GSTA2: variants seen among roughly 807,000 people sequenced by gnomAD.
GSTA2 encodes the protein glutathione S-transferase alpha 2, also known as glutathione S-transferase A2.
Under a neutral mutation model 22.4 loss-of-function variants are expected in GSTA2, and 27 were observed. That is an observed-to-expected ratio of 1.21 (90% CI 0.89 to 1.67). GSTA2 has a LOEUF of 1.67. GSTA2 is among the 40% of genes most tolerant of loss of function. The pLI is 0.00. For missense variants in GSTA2, 302 were observed against 260.2 expected (o/e 1.16, Z -1.11); for synonymous variants, 121 against 86.8 (o/e 1.39, Z -2.19).
intron 1 of GSTA2, among the ~76,000 whole-genome samples, chr6:52,759,844 A>G (rs1762924632): frequency 6.6e-6 from 1 of 151,986 alleles, no homozygotes; most frequent in Non-Finnish European, 1.5e-5. Context: ...TCAGCCTCCC[A>G]AAGTGCTGGG....
intron 1 of GSTA2, among the ~76,000 whole-genome samples, chr6:52,761,335 A>G (rs1160325357): frequency 6.6e-6 from 1 of 152,156 alleles, no homozygotes; most frequent in Non-Finnish European, 1.5e-5. Context: ...GTATCTGTTT[A>G]TAATCTCTGT....
chr6:52,755,191 C>A, intron 3 of GSTA2, 116 bp from the exon 4 acceptor site: 2 of 1,361,118 alleles, frequency 1.5e-6, no homozygotes, highest in African/African-American at 3.0e-5. Context: ...AAATTACTGC[C>A]TGGTAAGAGT....
chr6:52,751,733 A>G, intron 5 of GSTA2, 25 bp from the exon 6 acceptor site: 1 of 1,614,086 alleles, frequency 6.2e-7, no homozygotes, highest in Non-Finnish European at 8.5e-7. Context: ...GAATCAGATC[A>G]GGAACACATG....
At chr6:52,761,322 C>T (rs2749008) in intron 1 of GSTA2, among the ~76,000 whole-genome samples, 113,718 of 152,008 alleles carry the variant, frequency 0.75, 43,892 homozygotes, top group African/African-American at 0.94. Flanking sequence ...AATCTATGTA[C>T]ATGTATCTGT....
chr6:52,759,346 G>T (rs967187302), intron 1 of GSTA2, among the ~76,000 whole-genome samples: 1 of 152,108 alleles, frequency 6.6e-6, no homozygotes, highest in African/African-American at 2.4e-5. Context: ...ACCAGTGGCT[G>T]CAGAGACAGA....
chr6:52,755,029 C>T lies in GSTA2; in HGVS notation c.186G>A (p.Gly62=), dbSNP rs570132562. 5 of 1,614,092 alleles carry T rather than the reference C, an allele frequency of 3.1e-6. No individual in the cohort carries two copies. In the South Asian group the frequency reaches 5.5e-5, roughly 18 times the overall value. The change falls in exon 4 of 7, where the codon GGG becomes GGA. Residue 62 remains glycine (G), a synonymous_variant. Transcript: ENST00000493422. ...FQQVPMVEID[G]MKLVQTRAIL... ...TGGCTCTGGTCTGCACCAGCTTCAT[C>T]CCATCAATCTCAACCATTGGCACTT...
Position 52,755,049 on chromosome 6 carries a change from G to A in GSTA2, c.166C>T (p.Pro56Ser), listed in dbSNP as rs1252092867. The A allele has an allele frequency of 2.5e-6, 4 of 1,613,802 alleles. No homozygotes were observed. The East Asian group carries it at 6.7e-5, about 27-fold the overall frequency. Residue 56 changes from proline (P) to serine (S), a missense_variant, in exon 4 of 7, where the codon CCA (proline) becomes TCA (serine). Transcript: ENST00000493422. ...TTCATCCCATCAATCTCAACCATTG[G>A]CACTTGCTGGAACATCAAATATCCA... is the stretch of plus-strand genomic sequence containing the variant. Reference protein sequence around the residue: ...NDGYLMFQQVPMVEIDGMKLV... With the variant: ...NDGYLMFQQVSMVEIDGMKLV...
rs970910818 is a variant in GSTA2 at position 52,759,743 on chromosome 6, C to T, written c.-30-1766G>A. On this transcript the variant is annotated intron_variant, in intron 1 of 6. Transcript: ENST00000493422. The stretch of plus-strand genomic sequence containing the variant: ...GGGATTACAGGCACATGCCAGCACA[C>T]CTGGATAATTTTGCATTTTTAGTGA... Among the ~76,000 whole-genome samples, 9 of 151,780 alleles carry T rather than the reference C, an allele frequency of 5.9e-5. No homozygotes were observed. The South Asian group carries it at 1.9e-3, about 32-fold the overall frequency.
rs183713375 is a variant in GSTA2, at chr6:52,761,731, G to C, written c.-31+1713C>G. On this transcript the variant is annotated intron_variant, in intron 1 of 6. Coordinates refer to ENST00000493422, the MANE Select transcript of GSTA2 (RefSeq NM_000846.5). ...TCAACCAGGGGGATTTTGTTCCTCT[G>C]CTCCAGAGGACATTGAGCAAGGTCT... 3.3e-4 allele frequency among the ~76,000 whole-genome samples: 49 copies of C among 150,666 alleles called. 14 individuals carry two copies. In the Admixed American group the frequency reaches 3.6e-3, roughly 11 times the overall value.
chr6:52,761,247 C>T (rs1762945060), intron 1 of GSTA2, among the ~76,000 whole-genome samples: 1 of 152,210 alleles, frequency 6.6e-6, no homozygotes, highest in African/African-American at 2.4e-5. Flanking sequence ...GCTCTGGACA[C>T]ATTGAGTAGC....
chr6:52,753,060 A>G, intron 4 of GSTA2, 65 bp from the exon 5 acceptor site: 1 of 1,486,896 alleles, frequency 6.7e-7, no homozygotes, highest in Non-Finnish European at 9.1e-7. Flanking sequence ...GTTTATAAAA[A>G]CCTAAGAGAG....
At chr6:52,760,157 G>A (rs1258845915) in intron 1 of GSTA2, among the ~76,000 whole-genome samples, 8 of 152,160 alleles carry the variant, frequency 5.3e-5, no homozygotes, top group African/African-American at 9.7e-5. Context: ...ACATGAAAGC[G>A]TAGGGTGTGC....
At chr6:52,759,836 A>T (rs768616006) in intron 1 of GSTA2, among the ~76,000 whole-genome samples, 3 of 151,980 alleles carry the variant, frequency 2.0e-5, no homozygotes, top group Non-Finnish European at 4.4e-5. Flanking sequence ...CACTCACTTC[A>T]GCCTCCCAAA....
intron 5 of GSTA2, among the ~76,000 whole-genome samples, chr6:52,751,962 C>T (rs1444466116): frequency 6.6e-6 from 1 of 152,208 alleles, no homozygotes; most frequent in Admixed American, 6.5e-5. Flanking sequence ...CACTACCCAC[C>T]CAGCTTGCTT....
At position 52,754,988 on chromosome 6, in the gene GSTA2, G is replaced by T. The variant is rs527479150; in HGVS notation, c.227C>A (p.Ala76Asp). The change falls in exon 4 of 7, where the codon GCC becomes GAC. Residue 76 changes from alanine to aspartate, a missense_variant. Transcript: ENST00000493422. ...VQTRAILNYI[A>D]SKYNLYGKDI... ...TTTCCCATAGAGGTTGTATTTGCTG[G>T]CAATGTAGTTGAGAATGGCTCTGGT... is the stretch of plus-strand genomic sequence containing the variant. 1 of 1,614,052 alleles carries T rather than the reference G, an allele frequency of 6.2e-7. No homozygotes were observed. The highest frequency in any genetic ancestry group is 1.3e-5 in the African/African-American group (1 of 75,000).
intron 2 of GSTA2, among the ~76,000 whole-genome samples, chr6:52,756,517 T>A (rs1762849033): frequency 6.6e-6 from 1 of 152,230 alleles, no homozygotes; most frequent in Non-Finnish European, 1.5e-5. Flanking sequence ...AGCTGCTCAA[T>A]CTTCTAGTTC....
intron 1 of GSTA2, among the ~76,000 whole-genome samples, chr6:52,761,697 C>T (rs1404701426): frequency 1.3e-5 from 2 of 150,406 alleles, no homozygotes; most frequent in African/African-American, 4.8e-5. Context: ...TCATGTAGTC[C>T]CATGGTTCTC....
chr6:52,763,100 A>T (rs572339705), intron 1 of GSTA2, among the ~76,000 whole-genome samples: 1 of 152,356 alleles, frequency 6.6e-6, no homozygotes, highest in East Asian at 1.9e-4. Flanking sequence ...GACTATATAT[A>T]TAAAGAAATT....
chr6:52,754,976 T>C lies in GSTA2; in HGVS notation c.239A>G (p.Asn80Ser), dbSNP rs1382912715. The stretch of plus-strand genomic sequence containing the variant: ...CTCCTTTATGTCTTTCCCATAGAGG[T>C]TGTATTTGCTGGCAATGTAGTTGAG... ...AILNYIASKY[N>S]LYGKDIKEKA... The change falls in exon 4 of 7, where the codon AAC becomes AGC. Residue 80 changes from asparagine (N) to serine (S), a missense_variant. Coordinates refer to ENST00000493422, the MANE Select transcript of GSTA2 (RefSeq NM_000846.5). The C allele has an allele frequency of 6.2e-7, 1 of 1,613,986 alleles. No individual in the cohort carries two copies. Among genetic ancestry groups the C allele is most frequent in the Non-Finnish European group, 8.5e-7 (1 of 1,180,016 alleles).
Sources: allele counts gnomAD v4.1 joint callset (sites outside exome capture counted in the v4.1 genomes callset), GRCh38; gene constraint gnomAD v4.1.1; transcripts MANE v1.5; gene names NCBI Gene and HGNC (gene_info 2026-07-23, HGNC 2026-07-21).